PCCB: variants seen among roughly 807,000 people sequenced by gnomAD.
The protein encoded by PCCB is propionyl-CoA carboxylase subunit beta.
PCCB carries 43 observed loss-of-function variants against 60.7 expected under a neutral mutation model. The ratio of observed to expected loss-of-function variants is 0.71; its 90% CI spans 0.55 to 0.91. PCCB has a LOEUF of 0.91. PCCB is among the 40% of genes least tolerant of loss of function. PCCB has a pLI of 0.00. For synonymous variants in PCCB, 276 were observed against 255.9 expected (o/e 1.08, Z -0.75); for missense variants, 766 against 702.8 (o/e 1.09, Z -1.02).
intron 9 of PCCB, among the ~76,000 whole-genome samples, chr3:136,313,273 C>T (rs1486169846): frequency 2.0e-5 from 3 of 152,170 alleles, no homozygotes; most frequent in Non-Finnish European, 2.9e-5. Flanking sequence ...ACGACCATTA[C>T]GTTGTCATTT....
At chr3:136,310,900 G>C (rs1024909397) in intron 9 of PCCB, among the ~76,000 whole-genome samples, 4 of 152,216 alleles carry the variant, frequency 2.6e-5, no homozygotes, top group East Asian at 3.9e-4. Context: ...ATTCCTGATA[G>C]ACTTCATAAA....
intron 5 of PCCB, among the ~76,000 whole-genome samples, chr3:136,277,375 C>T (rs972423210): frequency 9.9e-5 from 15 of 152,118 alleles, no homozygotes; most frequent in Non-Finnish European, 1.6e-4. Context: ...GTAGCGTTTA[C>T]AAAAGGGCAC....
intron 10 of PCCB, among the ~76,000 whole-genome samples, chr3:136,317,349 G>A (rs935294647): frequency 6.6e-6 from 1 of 151,076 alleles, no homozygotes; most frequent in Non-Finnish European, 1.5e-5. Context: ...GGCCTCCCGA[G>A]TAGCTGGGAC....
intron 6 of PCCB, among the ~76,000 whole-genome samples, chr3:136,285,089 A>T (rs1376995270): frequency 3.4e-4 from 1 of 2,972 alleles, no homozygotes; most frequent in Non-Finnish European, 7.0e-4. Flanking sequence ...ACCCTGCCTC[A>T]AAAAAAAAAA....
chr3:136,300,861 A>G (rs1285149140), intron 8 of PCCB, among the ~76,000 whole-genome samples, 169 bp from the exon 9 acceptor site: 3 of 152,210 alleles, frequency 2.0e-5, no homozygotes, highest in African/African-American at 4.8e-5. Flanking sequence ...TTCAGTTAAT[A>G]TGGTGGTTAA....
chr3:136,307,751 A>G (rs1286373464), intron 9 of PCCB, among the ~76,000 whole-genome samples: 1 of 151,942 alleles, frequency 6.6e-6, no homozygotes. Flanking sequence ...TGAGGCGAGC[A>G]GATCACCTGA....
chr3:136,316,806 G>A, intron 9 of PCCB, 135 bp from the exon 10 acceptor site: 1 of 1,010,026 alleles, frequency 9.9e-7, no homozygotes, highest in Non-Finnish European at 1.5e-6. Context: ...CTGCTTCCTT[G>A]GAGAACCTGT....
chr3:136,259,193 A>G, intron 3 of PCCB: 3 of 1,449,244 alleles, frequency 2.1e-6, no homozygotes, highest in Non-Finnish European at 2.7e-6. Flanking sequence ...TAGGCTGGGC[A>G]CAGTGGCTCC....
At chr3:136,304,355 A>G (rs1934385514) in intron 9 of PCCB, among the ~76,000 whole-genome samples, 2 of 117,138 alleles carry the variant, frequency 1.7e-5, no homozygotes, top group African/African-American at 5.2e-5. Context: ...GCAACTCACT[A>G]TGTTGCCCAG....
chr3:136,323,307 A>G (rs1158844404), intron 10 of PCCB, among the ~76,000 whole-genome samples: 2 of 152,020 alleles, frequency 1.3e-5, no homozygotes, highest in African/African-American at 4.8e-5. Context: ...CCTCAGAGTA[A>G]TTTCAATTGT....
intron 10 of PCCB, among the ~76,000 whole-genome samples, chr3:136,325,264 G>T (rs1935263595): frequency 2.0e-5 from 3 of 152,102 alleles, no homozygotes; most frequent in African/African-American, 7.2e-5. Context: ...GGCTTAAGCA[G>T]TCCTCCACTT....
At chr3:136,324,111 T>C (rs1362474043) in intron 10 of PCCB, among the ~76,000 whole-genome samples, 3 of 152,198 alleles carry the variant, frequency 2.0e-5, no homozygotes, top group Admixed American at 6.5e-5. Flanking sequence ...TTTCTTCTTA[T>C]TGTTTCTTTC....
At chr3:136,300,321 A>G (rs1243683937) in intron 8 of PCCB, among the ~76,000 whole-genome samples, 1 of 152,180 alleles carries the variant, frequency 6.6e-6, no homozygotes, top group Non-Finnish European at 1.5e-5. Flanking sequence ...GCCCAGGAGT[A>G]CGTCTCAGGG....
chr3:136,329,429 G>C (rs1331218204), intron 14 of PCCB, among the ~76,000 whole-genome samples: 1 of 152,194 alleles, frequency 6.6e-6, no homozygotes, highest in Non-Finnish European at 1.5e-5. Context: ...CTGAGGCCTA[G>C]ATTTGGAAGT....
intron 3 of PCCB, chr3:136,259,284 T>C (rs1460853864): frequency 4.0e-6 from 2 of 504,556 alleles, no homozygotes; most frequent in Non-Finnish European, 6.3e-6. Context: ...CTAGCCAACA[T>C]GGCAAAACTG....
intron 10 of PCCB, among the ~76,000 whole-genome samples, chr3:136,326,122 G>A (rs186121746): frequency 1.6e-4 from 25 of 152,188 alleles, no homozygotes; most frequent in Admixed American, 6.5e-4. Flanking sequence ...TACTGTTTTT[G>A]TATATATTGC....
chr3:136,260,425 T>C, intron 3 of PCCB, 54 bp from the exon 4 acceptor site: 1 of 1,454,468 alleles, frequency 6.9e-7, no homozygotes. Context: ...CCACTGGGTT[T>C]TCATCTCTAG....
chr3:136,254,414 G>A (rs955844125), intron 1 of PCCB, among the ~76,000 whole-genome samples: 2 of 148,364 alleles, frequency 1.3e-5, no homozygotes, highest in East Asian at 2.0e-4. Context: ...TAGAGATAGG[G>A]TTTCGCCGTG....
intron 10 of PCCB, among the ~76,000 whole-genome samples, chr3:136,322,970 C>T (rs1935159492): frequency 6.9e-6 from 1 of 145,286 alleles, no homozygotes; most frequent in Non-Finnish European, 1.5e-5. Context: ...ACTGGATAAT[C>T]TTAATGAGGA....
Sources: gnomAD v4.1 joint callset for allele counts (sites outside exome capture counted in the v4.1 genomes callset) on GRCh38, gnomAD v4.1.1 for gene constraint, MANE v1.5 for transcripts, NCBI Gene and HGNC (gene_info 2026-07-23, HGNC 2026-07-21) for gene names.